Variants in SERPINB6 observed in about 807,000 individuals in gnomAD.
The protein encoded by SERPINB6 is serpin B6.
A neutral mutation model predicts 26.1 loss-of-function variants in SERPINB6; 16 were observed. The observed-to-expected ratio is 0.61, with a 90% CI of 0.42 to 0.93. The LOEUF (loss-of-function observed/expected upper bound fraction) is 0.93. SERPINB6 is among the 40% of genes least tolerant of loss of function. The probability of loss-of-function intolerance (pLI) is 0.00; values close to 1 mark genes in which losing one functional copy is unlikely to be tolerated. For synonymous variants in SERPINB6, 174 were observed against 176.6 expected, an observed-to-expected ratio of 0.99 and a Z score of 0.11; for missense variants, 420 against 478.0, an observed-to-expected ratio of 0.88 and a Z score of 1.13.
In SERPINB6 at chr6:2,970,389, A is replaced by C. The variant is rs568708980; in HGVS notation, c.-11+1144T>G. On this transcript the variant is annotated intron_variant, in intron 1 of 6. Coordinates refer to ENST00000380539, the MANE Select transcript of SERPINB6 (RefSeq NM_004568.6). ...TCACAATGGATGCAATTACTCAGAT[A>C]CGGTCCTGAAATGAGAACAAACGCC... 3.0e-6 allele frequency: 3 copies of C among 1,014,762 alleles called. No individual in the cohort carries two copies. In the South Asian group the frequency reaches 1.4e-4, roughly 47 times the overall value. 62.9% of individuals were successfully genotyped at this position (1,014,762 alleles called of 1,614,324 possible).
Position 2,948,700 on chromosome 6 carries a change from C to T in SERPINB6, c.730-1G>A, listed in dbSNP as rs1223476137. ...TCTCGTAAGTGAGTTCTTTCTCCAC[C>T]TAGAGGGAGACAGTTGAAGACTTTA... On this transcript the variant is annotated splice_acceptor_variant, in intron 6 of 6. Transcript: ENST00000380539. LOFTEE classifies it high-confidence loss of function. This position sits in a 1 kb window ranked among gnomAD's most constrained non-coding sequence, Gnocchi z 5.0. 1 of 1,613,944 alleles carries T rather than the reference C, an allele frequency of 6.2e-7. No individual in the cohort carries two copies. Among genetic ancestry groups the T allele is most frequent in the African/African-American group, 1.3e-5 (1 of 74,918 alleles).
intron 2 of SERPINB6, among the ~76,000 whole-genome samples, chr6:2,958,750 G>A (rs1266963794): frequency 6.6e-6 from 1 of 152,070 alleles, no homozygotes; most frequent in African/African-American, 2.4e-5. Context: ...TAACCAGAAC[G>A]CTACTGAAAA....
At chr6:2,951,310 C>T (rs945571877) in intron 5 of SERPINB6, among the ~76,000 whole-genome samples, 2 of 151,626 alleles carry the variant, frequency 1.3e-5, no homozygotes, top group African/African-American at 4.8e-5. Flanking sequence ...CACCTGAACC[C>T]GGGAGGCGGA....
chr6:2,955,730 G>A, intron 2 of SERPINB6, 60 bp from the exon 3 acceptor site: 5 of 1,588,970 alleles, frequency 3.1e-6, no homozygotes, highest in Non-Finnish European at 4.3e-6. Flanking sequence ...TCAGGAAATG[G>A]GGCAACCCCA....
chr6:2,970,102 T>A lies in SERPINB6; in HGVS notation c.-11+1431A>T, dbSNP rs973456531. 4 of 985,020 alleles carry A rather than the reference T, an allele frequency of 4.1e-6. No individual in the cohort carries two copies. In the Admixed American group the frequency reaches 1.8e-4, roughly 46 times the overall value. The allele number at this position is 985,020 out of a possible 1,614,324, so 61.0% of individuals were successfully genotyped here. ...ATTTTCTTTCTTTGGATGCCTTGGC[T>A]TAATCCCAAGTGCAGTAAGCCTGGA... On this transcript the variant is annotated intron_variant, in intron 1 of 6. Coordinates refer to ENST00000380539, the MANE Select transcript of SERPINB6 (RefSeq NM_004568.6).
intron 1 of SERPINB6, among the ~76,000 whole-genome samples, chr6:2,965,082 C>A (rs1055598173): frequency 6.6e-6 from 1 of 152,186 alleles, no homozygotes; most frequent in South Asian, 2.1e-4. Context: ...AAATAGCATT[C>A]GATGCTAAGC....
At position 2,949,153 on chromosome 6, in the gene SERPINB6, G is replaced by A. The variant is rs9378746; in HGVS notation, c.574-84C>T. 476,466 of 1,488,904 alleles carry A rather than the reference G, an allele frequency of 0.32. 79,664 individuals are homozygous for A. The highest frequency in any genetic ancestry group is 0.34 in the Non-Finnish European group (373,081 of 1,088,678). The allele number at this position is 1,488,904 out of a possible 1,614,324, so 92.2% of individuals were successfully genotyped here. A position where few individuals can be genotyped will look rare whatever the true frequency, so the allele number is the denominator to read the frequency against. On this transcript the variant is annotated intron_variant, in intron 5 of 6. Transcript: ENST00000380539. ...AATGTGTCGGAGCTGGCCACTCTCT[G>A]CAGGGAGAAACGCAGCTCGGTTTCT...
chr6:2,971,284 C>A, intron 1 of SERPINB6: 1 of 694,632 alleles, frequency 1.4e-6, no homozygotes, highest in Non-Finnish European at 1.8e-6. Flanking sequence ...TGCGAGGCTC[C>A]GGAAGGGAAC....
chr6:2,970,142 G>A (rs1772005628), intron 1 of SERPINB6: 1 of 984,860 alleles, frequency 1.0e-6, no homozygotes, highest in East Asian at 1.1e-4. Flanking sequence ...TAAGGTGTGT[G>A]GTCTTCCCTG....
intron 2 of SERPINB6, chr6:2,956,209 G>T (rs10900931): frequency 0.23 from 36,326 of 156,480 alleles, 4,736 homozygotes; most frequent in African/African-American, 0.35. Context: ...TTGGAGTCTG[G>T]TGGCAAACAA....
intron 1 of SERPINB6, chr6:2,968,338 A>G (rs1244695704): frequency 1.1e-4 from 30 of 279,864 alleles, no homozygotes; most frequent in Non-Finnish European, 1.6e-4. Context: ...AGAGGAAAAA[A>G]TAACTATTGG....
Position 2,949,165 on chromosome 6 carries a change from G to A in SERPINB6, c.574-96C>T, listed in dbSNP as rs537718829. ...CTGGCCACTCTCTGCAGGGAGAAAC[G>A]CAGCTCGGTTTCTCCCCAGCTTCCA... On this transcript the variant is annotated intron_variant, in intron 5 of 6. Transcript: ENST00000380539. 412 of 1,360,646 alleles carry A rather than the reference G, an allele frequency of 3.0e-4. 1 individual carries two copies. Among genetic ancestry groups the A allele is most frequent in the Non-Finnish European group, 3.8e-4 (371 of 978,722 alleles). 84.3% of individuals were successfully genotyped at this position (1,360,646 alleles called of 1,614,324 possible).
In SERPINB6 at chr6:2,949,063, C is replaced by G. The variant is rs775531558; in HGVS notation, c.580G>C (p.Glu194Gln). Residue 194 changes from glutamate to glutamine, a missense_variant, in exon 6 of 7, where the codon GAG becomes CAG. Glu to Gln is a conservative substitution (Grantham distance 29). Coordinates refer to ENST00000380539, the MANE Select transcript of SERPINB6 (RefSeq NM_004568.6). Reference sequence around the variant, plus strand: ...TTAAACATCATTTGCACAGGTTTCTCCTCATTCTACAAAGAAAACAGATAA... The same window carrying G: ...TTAAACATCATTTGCACAGGTTTCTGCTCATTCTACAAAGAAAACAGATAA... ...ERLFKVSKNE[E>Q]KPVQMMFKQS... is the part of the protein sequence containing the mutation. 1.2e-6 allele frequency: 2 copies of G among 1,614,074 alleles called. No homozygotes were observed. The highest frequency in any genetic ancestry group is 1.7e-6 in the Non-Finnish European group (2 of 1,180,000).
chr6:2,968,701 C>G, intron 1 of SERPINB6: 1 of 1,230,952 alleles, frequency 8.1e-7, no homozygotes. Context: ...CCTAGACTTT[C>G]CAAACATTCC....
At chr6:2,955,295 T>C (rs895716121) in intron 3 of SERPINB6, 8 of 567,868 alleles carry the variant, frequency 1.4e-5, no homozygotes, top group Non-Finnish European at 2.5e-5. Context: ...GGAGCAGCCA[T>C]GCATCAAGGA....
Position 2,948,329 on chromosome 6 carries a change from A to T in SERPINB6, c.1100T>A (p.Ile367Asn), listed in dbSNP as rs752293739. 6.2e-7 allele frequency: 1 copy of T among 1,614,054 alleles called. No homozygotes were observed. Among genetic ancestry groups the T allele is most frequent in the Non-Finnish European group, 8.5e-7 (1 of 1,180,016 alleles). The change falls in exon 7 of 7, where the codon ATT (isoleucine) becomes AAT (asparagine). Residue 367 changes from isoleucine (I) to asparagine (N), a missense_variant. Ile to Asn is a moderately radical substitution (Grantham distance 149). Coordinates refer to ENST00000380539, the MANE Select transcript of SERPINB6 (RefSeq NM_004568.6). The surrounding 1 kb of genome is among the most constrained non-coding windows in gnomAD (Gnocchi z 5.0). ...FFIQHSKTNG[I>N]LFCGRFSSP is the part of the protein sequence containing the mutation. ...AGAGGAAAAGCGGCCGCAGAAGAGA[A>T]TCCCGTTGGTCTTGCTGTGCTGGAT...
At chr6:2,949,230 C>T (rs1457232340) in intron 5 of SERPINB6, among the ~76,000 whole-genome samples, 161 bp from the exon 6 acceptor site, 2 of 152,224 alleles carry the variant, frequency 1.3e-5, no homozygotes, top group Admixed American at 6.5e-5. Context: ...TTCATTACCT[C>T]AACCTCCAGA....
chr6:2,954,758 A>G (rs181018611), intron 3 of SERPINB6, 49 bp from the exon 4 acceptor site: 2 of 1,230,534 alleles, frequency 1.6e-6, no homozygotes, highest in East Asian at 4.6e-5. Context: ...AATGATGAAC[A>G]CCAACGGCCT....
chr6:2,953,127 C>A lies in SERPINB6; in HGVS notation c.490G>T (p.Val164Leu). 2 of 1,614,228 alleles carry A rather than the reference C, an allele frequency of 1.2e-6. No individual in the cohort carries two copies. Among genetic ancestry groups the A allele is most frequent in the Non-Finnish European group, 1.7e-6 (2 of 1,180,044 alleles). ...TTTCCTCTGAAATAGACAGCATTCA[C>A]CAGAACCAGCCTTGTCAATGGATCC... ...SVDPLTRLVL[V>L]NAVYFRGNWD... Residue 164 changes from valine to leucine, a missense_variant, in exon 5 of 7, where the codon GTG becomes TTG. Val to Leu is a conservative substitution (Grantham distance 32, BLOSUM62 1). Coordinates refer to ENST00000380539, the MANE Select transcript of SERPINB6 (RefSeq NM_004568.6).
Sources: allele counts gnomAD v4.1 joint callset (sites outside exome capture counted in the v4.1 genomes callset), GRCh38; gene constraint gnomAD v4.1.1; non-coding constraint Gnocchi (gnomAD v3.1); transcripts MANE v1.5; gene names NCBI Gene and HGNC (gene_info 2026-07-23, HGNC 2026-07-21).